PLPPR1: variants seen among roughly 807,000 people sequenced by gnomAD.
PLPPR1 encodes the protein phospholipid phosphatase related 1.
Under a neutral mutation model 33.1 loss-of-function variants are expected in PLPPR1, and 10 were observed. The observed-to-expected ratio is 0.30, with a 90% confidence interval of 0.19 to 0.51. The LOEUF is 0.51. PLPPR1 is among the 20% of genes least tolerant of loss of function. PLPPR1 has a pLI of 0.97. For missense variants in PLPPR1, 304 were observed against 408.1 expected, an observed-to-expected ratio of 0.74 and a Z score of 2.20; for synonymous variants, 151 against 151.0, an observed-to-expected ratio of 1.00 and a Z score of 0.00.
At chr9:101,182,997 G>A (rs948734057) in intron 1 of PLPPR1, among the ~76,000 whole-genome samples, 15 of 151,634 alleles carry the variant, frequency 9.9e-5, no homozygotes, top group African/African-American at 3.6e-4. Context: ...CAATAAAAAT[G>A]TCAATGACAG....
rs1828552084 is a variant in PLPPR1 at position 101,293,190 on chromosome 9, T to C, written c.385+6954T>C. 1.3e-5 allele frequency among the ~76,000 whole-genome samples: 2 copies of C among 150,156 alleles called. 1 individual carries two copies. Among genetic ancestry groups the C allele is most frequent in the Admixed American group, 1.3e-4 (2 of 15,152 alleles). ...AAAACAGACTGTAAACCAACAAAGA[T>C]CAAAAGAGACAAAAAAGGCCATTAC... On this transcript the variant is annotated intron_variant, in intron 4 of 7. Transcript: ENST00000374874.
intron 1 of PLPPR1, among the ~76,000 whole-genome samples, chr9:101,075,126 G>A (rs994558294): frequency 1.3e-5 from 2 of 152,130 alleles, no homozygotes; most frequent in African/African-American, 4.8e-5. Context: ...TTTAAGAGAA[G>A]TATATCTTTT....
At chr9:101,126,479 G>T (rs1354962314) in intron 1 of PLPPR1, among the ~76,000 whole-genome samples, 1 of 152,164 alleles carries the variant, frequency 6.6e-6, no homozygotes, top group African/African-American at 2.4e-5. Context: ...TGCCTGCCAC[G>T]GCGGGAGACA....
chr9:101,290,296 C>A (rs1460783766), intron 4 of PLPPR1, among the ~76,000 whole-genome samples: 1 of 152,182 alleles, frequency 6.6e-6, no homozygotes, highest in Non-Finnish European at 1.5e-5. Flanking sequence ...ACTGTTTCCA[C>A]TAGCCATTCT....
At chr9:101,051,718 T>C (rs1208704423) in intron 1 of PLPPR1, among the ~76,000 whole-genome samples, 1 of 152,238 alleles carries the variant, frequency 6.6e-6, no homozygotes, top group Non-Finnish European at 1.5e-5. Context: ...ATGCACATGT[T>C]ACTCTCTTCC....
intron 1 of PLPPR1, among the ~76,000 whole-genome samples, chr9:101,136,452 C>T (rs1831377868): frequency 6.6e-6 from 1 of 152,206 alleles, no homozygotes; most frequent in Admixed American, 6.5e-5. Context: ...CCATTTAACA[C>T]ATGGTTTGTA....
chr9:101,106,106 T>G (rs548211901), intron 1 of PLPPR1, among the ~76,000 whole-genome samples: 1 of 151,620 alleles, frequency 6.6e-6, no homozygotes, highest in African/African-American at 2.4e-5. Context: ...TTATCCAACT[T>G]GCCAGTCTGT....
At chr9:101,246,409 A>G (rs2118858278) in intron 2 of PLPPR1, among the ~76,000 whole-genome samples, 1 of 152,140 alleles carries the variant, frequency 6.6e-6, no homozygotes, top group South Asian at 2.1e-4. Flanking sequence ...TCAACATACT[A>G]GCAAATGATA....
At chr9:101,190,702 G>C (rs544756793) in intron 2 of PLPPR1, among the ~76,000 whole-genome samples, 1 of 152,258 alleles carries the variant, frequency 6.6e-6, no homozygotes, top group South Asian at 2.1e-4. Flanking sequence ...TGACAATACA[G>C]CAGGCAACAT....
At chr9:101,079,556 G>C (rs1830591517) in intron 1 of PLPPR1, among the ~76,000 whole-genome samples, 1 of 148,594 alleles carries the variant, frequency 6.7e-6, no homozygotes, top group Non-Finnish European at 1.5e-5. Flanking sequence ...TGAAGGTATT[G>C]CTCTATTATC....
At chr9:101,046,435 CTTT>C (rs527884198) in intron 1 of PLPPR1, among the ~76,000 whole-genome samples, 1 of 116,778 alleles carries the variant, frequency 8.6e-6, no homozygotes, top group African/African-American at 3.5e-5. Flanking sequence ...CTCTTTTATT[CTTT>C]TTTTTTTTTT....
intron 1 of PLPPR1, among the ~76,000 whole-genome samples, chr9:101,184,090 T>C (rs1275062278): frequency 1.3e-5 from 2 of 151,764 alleles, no homozygotes; most frequent in Admixed American, 6.6e-5. Context: ...ATCAATTCAA[T>C]GTGTTTTCTA....
At chr9:101,204,593 G>A (rs995309667) in intron 2 of PLPPR1, among the ~76,000 whole-genome samples, 1 of 152,104 alleles carries the variant, frequency 6.6e-6, no homozygotes, top group East Asian at 1.9e-4. Flanking sequence ...TTCTGTTAGG[G>A]CTTGGCTACT....
chr9:101,059,805 G>T (rs1373983615), intron 1 of PLPPR1, among the ~76,000 whole-genome samples: 1 of 151,984 alleles, frequency 6.6e-6, no homozygotes, highest in African/African-American at 2.4e-5. Context: ...TTATCAAAAA[G>T]ACAAGATAAC....
intron 1 of PLPPR1, among the ~76,000 whole-genome samples, chr9:101,136,228 C>T (rs1831375718): frequency 6.6e-6 from 1 of 152,194 alleles, no homozygotes. Flanking sequence ...GCCCACTTCC[C>T]TCTAGAATCT....
intron 1 of PLPPR1, among the ~76,000 whole-genome samples, chr9:101,141,134 A>C (rs553782954): frequency 6.6e-6 from 1 of 152,298 alleles, no homozygotes; most frequent in South Asian, 2.1e-4. Flanking sequence ...AACATTAATT[A>C]CCAACCGTGA....
chr9:101,082,275 T>C (rs1830629543), intron 1 of PLPPR1, among the ~76,000 whole-genome samples: 1 of 152,190 alleles, frequency 6.6e-6, no homozygotes, highest in African/African-American at 2.4e-5. Context: ...TGCTCAGCCA[T>C]TTGTTTTTCT....
At chr9:101,037,814 A>G (rs1343004393) in intron 1 of PLPPR1, among the ~76,000 whole-genome samples, 3 of 151,740 alleles carry the variant, frequency 2.0e-5, no homozygotes, top group Non-Finnish European at 2.9e-5. Flanking sequence ...CTGTAAAAGC[A>G]AGGGAATATC....
At chr9:101,059,113 A>G (rs1263949657) in intron 1 of PLPPR1, among the ~76,000 whole-genome samples, 1 of 151,884 alleles carries the variant, frequency 6.6e-6, no homozygotes, top group Non-Finnish European at 1.5e-5. Flanking sequence ...TGAGGTAGAC[A>G]TTCTCTTAAA....
Sources: gnomAD v4.1 joint callset for allele counts (sites outside exome capture counted in the v4.1 genomes callset) on GRCh38, gnomAD v4.1.1 for gene constraint, MANE v1.5 for transcripts, NCBI Gene and HGNC (gene_info 2026-07-23, HGNC 2026-07-21) for gene names.